ZNF536: variants seen among roughly 807,000 people sequenced by gnomAD.
ZNF536 encodes the protein zinc finger protein 536.
In ZNF536, 13 loss-of-function variants were observed where a neutral mutation model predicts 84.5. The ratio of observed to expected loss-of-function variants is 0.15; its 90% CI spans 0.10 to 0.24. ZNF536 has a LOEUF of 0.24. ZNF536 is among the 10% of genes least tolerant of loss of function. ZNF536 has a pLI of 1.00. For missense variants in ZNF536, 1,536 were observed against 1,747.5 expected (o/e 0.88, Z 2.16); for synonymous variants, 811 against 742.5 (o/e 1.09, Z -1.50).
chr19:30,480,954 G>T (rs541450261), intron 2 of ZNF536, among the ~76,000 whole-genome samples: 136 of 151,760 alleles, frequency 9.0e-4, no homozygotes, highest in Non-Finnish European at 1.6e-3. Flanking sequence ...AGAGTCGCCC[G>T]GGAGGCGGAG....
chr19:30,641,323 C>A (rs1362047490), intron 1 of ZNF536, among the ~76,000 whole-genome samples: 1 of 152,306 alleles, frequency 6.6e-6, no homozygotes, highest in East Asian at 1.9e-4. Flanking sequence ...TTGCTTACTG[C>A]ATGAAGAATG....
At position 30,690,698 on chromosome 19, in the gene ZNF536, G is replaced by A. The variant is rs900943257; in HGVS notation, c.170-20059G>A. Among the ~76,000 whole-genome samples, 13 of 152,076 alleles carry A rather than the reference G, an allele frequency of 8.5e-5. 1 individual carries two copies. Among genetic ancestry groups the A allele is most frequent in the African/African-American group, 2.4e-4 (10 of 41,498 alleles). ...CATACCCAGCTGCCCCATTTCCTGC[G>A]TCACCCAGGCACATGACTGTCTTTG... On this transcript the variant is annotated intron_variant, in intron 1 of 1. Coordinates refer to the ZNF536 transcript ENST00000592773.
chr19:30,710,445 C>G (rs146586876), intron 1 of ZNF536, among the ~76,000 whole-genome samples: 1 of 152,090 alleles, frequency 6.6e-6, no homozygotes, highest in African/African-American at 2.4e-5. Context: ...GAGGCTAAGG[C>G]GGGAGGATGG....
intron 1 of ZNF536, among the ~76,000 whole-genome samples, chr19:30,399,679 G>GTTTTTTTT (rs71171801): frequency 8.9e-6 from 1 of 112,874 alleles, no homozygotes; most frequent in Non-Finnish European, 1.8e-5. Context: ...AATAAGAAAT[G>GTTTTTTTT]TTTTTTTTTT....
At chr19:30,415,094 CCTT>C (rs768932252) in intron 1 of ZNF536, among the ~76,000 whole-genome samples, 37 of 146,144 alleles carry the variant, frequency 2.5e-4, no homozygotes, top group Non-Finnish European at 4.7e-4. Flanking sequence ...CTCTCTTCCT[CCTT>C]CTCCTTCTTC....
intron 1 of ZNF536, among the ~76,000 whole-genome samples, chr19:30,634,385 G>T (rs1017839548): frequency 6.6e-6 from 1 of 152,110 alleles, no homozygotes; most frequent in Admixed American, 6.5e-5. Flanking sequence ...TTCTAAGCTC[G>T]ACTTGGAAAG....
chr19:30,620,912 G>T (rs2048460272), intron 1 of ZNF536, among the ~76,000 whole-genome samples: 1 of 151,786 alleles, frequency 6.6e-6, no homozygotes, highest in African/African-American at 2.4e-5. Context: ...AAAGATTTGT[G>T]TCACCTGTAC....
intron 1 of ZNF536, among the ~76,000 whole-genome samples, chr19:30,401,188 G>A (rs2050031055): frequency 6.6e-6 from 1 of 152,048 alleles, no homozygotes; most frequent in Non-Finnish European, 1.5e-5. Flanking sequence ...ACCTGTGTGG[G>A]GGGCTACTTC....
intron 1 of ZNF536, among the ~76,000 whole-genome samples, chr19:30,601,826 C>T (rs949838956): frequency 6.6e-6 from 1 of 152,146 alleles, no homozygotes; most frequent in Non-Finnish European, 1.5e-5. Context: ...TTGTGTGATG[C>T]TGAAGGGTGT....
intron 2 of ZNF536, among the ~76,000 whole-genome samples, chr19:30,292,072 G>T (rs1012714972): frequency 6.6e-6 from 1 of 152,114 alleles, no homozygotes; most frequent in Non-Finnish European, 1.5e-5. Flanking sequence ...GTTACCACCT[G>T]GCACTTTATG....
upstream of ZNF536, chr19:30,228,258 AAGAGAGGAAAAAGGGGTGAGAGACGG>A (rs2022734369): frequency 6.6e-6 from 1 of 151,590 alleles, no homozygotes; most frequent in Admixed American, 6.6e-5. This position sits in a 1 kb window ranked among gnomAD's most constrained non-coding sequence, Gnocchi z 4.5. Context: ...AAAGAGACGA[AAGAGAGGAAAAAGGGGTGAGAGACGG>A]AGAGAGGAAA....
chr19:30,635,853 C>A (rs570929740), intron 1 of ZNF536, among the ~76,000 whole-genome samples: 1 of 152,330 alleles, frequency 6.6e-6, no homozygotes, highest in Admixed American at 6.5e-5. Flanking sequence ...CTGCGGAGAG[C>A]GCTTACCTCC....
At chr19:30,508,552 C>A (rs540052972) in intron 2 of ZNF536, among the ~76,000 whole-genome samples, 1 of 152,056 alleles carries the variant, frequency 6.6e-6, no homozygotes, top group Non-Finnish European at 1.5e-5. Flanking sequence ...TGAGTCTTTG[C>A]GGCCCACAGA....
chr19:30,692,078 G>A (rs1474579268), intron 1 of ZNF536, among the ~76,000 whole-genome samples: 1 of 152,214 alleles, frequency 6.6e-6, no homozygotes, highest in Non-Finnish European at 1.5e-5. Context: ...TGGATATACA[G>A]GAAGGAAATG....
At chr19:30,494,620 G>A (rs554539530) in intron 2 of ZNF536, among the ~76,000 whole-genome samples, 1 of 152,192 alleles carries the variant, frequency 6.6e-6, no homozygotes, top group Admixed American at 6.5e-5. Flanking sequence ...TCAAGAACAG[G>A]ACCCAAGGAC....
intron 2 of ZNF536, among the ~76,000 whole-genome samples, chr19:30,450,608 G>T (rs1240487713): frequency 1.3e-5 from 2 of 152,168 alleles, no homozygotes; most frequent in Non-Finnish European, 1.5e-5. Context: ...TCAAGCATGT[G>T]AGTGATGCCC....
chr19:30,491,565 C>T (rs186716894), intron 2 of ZNF536, among the ~76,000 whole-genome samples: 6 of 152,350 alleles, frequency 3.9e-5, no homozygotes, highest in African/African-American at 1.4e-4. Context: ...GCCCTCCCCT[C>T]CCGGCAGTCC....
intron 1 of ZNF536, among the ~76,000 whole-genome samples, chr19:30,610,071 A>G (rs1458576294): frequency 6.6e-6 from 1 of 152,228 alleles, no homozygotes; most frequent in Non-Finnish European, 1.5e-5. Context: ...ACAGATATTT[A>G]TTGAGAATCT....
At chr19:30,295,563 C>T (rs1301893040) in intron 2 of ZNF536, among the ~76,000 whole-genome samples, 1 of 152,170 alleles carries the variant, frequency 6.6e-6, no homozygotes, top group Non-Finnish European at 1.5e-5. Flanking sequence ...AGGGACTCTG[C>T]TTTGAGAACC....
Sources: gnomAD v4.1 joint callset for allele counts (sites outside exome capture counted in the v4.1 genomes callset) on GRCh38, gnomAD v4.1.1 for gene constraint, Gnocchi (gnomAD v3.1) non-coding constraint, MANE v1.5 for transcripts, NCBI Gene and HGNC (gene_info 2026-07-23, HGNC 2026-07-21) for gene names.